PCDHGB4: variants seen among roughly 807,000 people sequenced by gnomAD.
PCDHGB4 encodes protocadherin gamma-B4.
In PCDHGB4, 38 loss-of-function variants were observed where a neutral mutation model predicts 60.5. The observed-to-expected ratio is 0.63, with a 90% confidence interval of 0.48 to 0.82. The LOEUF (loss-of-function observed/expected upper bound fraction) is 0.82, where lower values mean the gene tolerates loss of function less well. PCDHGB4 is among the 40% of genes least tolerant of loss of function. The probability of loss-of-function intolerance (pLI) is 0.00; values close to 1 mark genes in which losing one functional copy is unlikely to be tolerated. For synonymous variants in PCDHGB4, 456 were observed against 509.7 expected (o/e 0.89, Z 1.42); for missense variants, 1,109 against 1,209.6 (o/e 0.92, Z 1.23).
chr5:141,389,349 A>C lies in PCDHGB4; in HGVS notation c.1465A>C (p.Ile489Leu). 5.6e-6 allele frequency: 9 copies of C among 1,613,980 alleles called. No homozygotes were observed. The highest frequency in any genetic ancestry group is 7.6e-6 in the Non-Finnish European group (9 of 1,179,912). ...LGPNGQVSYC[I>L]MASDLEQREL... The stretch of plus-strand genomic sequence containing the variant: ...GCCCAACGGCCAAGTCTCTTACTGC[A>C]TCATGGCCAGTGACCTGGAGCAGCG... The change falls in exon 1 of 4, where the codon ATC becomes CTC. Residue 489 changes from isoleucine to leucine, a missense_variant. Physicochemically the swap from Ile to Leu is conservative, Grantham distance 5. This residue lies in a region of PCDHGB4 where 1,068 missense variants were observed against 1,089.9 expected (regional missense o/e 0.98). Coordinates refer to ENST00000519479, the MANE Select transcript of PCDHGB4 (RefSeq NM_003736.4).
At chr5:141,395,036 G>A in intron 1 of PCDHGB4, 2 of 1,614,110 alleles carry the variant, frequency 1.2e-6, no homozygotes, top group Non-Finnish European at 8.5e-7. Context: ...CACATTTTGT[G>A]GGTGTTGAGG....
chr5:141,449,943 C>G (rs1561937416), intron 1 of PCDHGB4, among the ~76,000 whole-genome samples: 1 of 151,186 alleles, frequency 6.6e-6, no homozygotes, highest in African/African-American at 2.4e-5. Flanking sequence ...GTATATTTTA[C>G]TATACCTCAT....
rs1266068276 is a variant in PCDHGB4 at position 141,418,847 on chromosome 5, C to T, written c.2397+28566C>T. 1.2e-6 allele frequency: 2 copies of T among 1,613,972 alleles called. No individual in the cohort carries two copies. The highest frequency in any genetic ancestry group is 1.3e-5 in the African/African-American group (1 of 75,054). On this transcript the variant is annotated intron_variant, in intron 1 of 3. Transcript: ENST00000519479. ...AAAAGACCGAGGATCTCTCTCAACACGGTGTAAAGTAATTGTAGAAGTTGT... is the reference window on the plus strand; with the variant it reads ...AAAAGACCGAGGATCTCTCTCAACATGGTGTAAAGTAATTGTAGAAGTTGT...
chr5:141,450,104 T>A (rs1041853602), intron 1 of PCDHGB4, among the ~76,000 whole-genome samples: 1 of 150,664 alleles, frequency 6.6e-6, no homozygotes, highest in African/African-American at 2.5e-5. Flanking sequence ...CCTCCCAGGT[T>A]CAAATGATTC....
rs751567991 is a variant in PCDHGB4 at position 141,398,180 on chromosome 5, T to C, written c.2397+7899T>C. ...CGGGCTGAGAGGCTGCCAGTGCTCT[T>C]TCTCTTCCTGCTGTCTTTGTTCTGC... On this transcript the variant is annotated intron_variant, in intron 1 of 3. Coordinates refer to ENST00000519479, the MANE Select transcript of PCDHGB4 (RefSeq NM_003736.4). 3 of 1,473,764 alleles carry C rather than the reference T, an allele frequency of 2.0e-6. No individual in the cohort carries two copies. The African/African-American group carries it at 4.3e-5, about 21-fold the overall frequency. The allele number at this position is 1,473,764 out of a possible 1,614,324, so 91.3% of individuals were successfully genotyped here. A position where few individuals can be genotyped will look rare whatever the true frequency, so the allele number is the denominator to read the frequency against.
At chr5:141,421,351 A>G in intron 1 of PCDHGB4, 2 of 1,613,988 alleles carry the variant, frequency 1.2e-6, no homozygotes, top group Non-Finnish European at 1.7e-6. Flanking sequence ...AGAGACCGAA[A>G]AGGGCTCCTT....
intron 1 of PCDHGB4, among the ~76,000 whole-genome samples, chr5:141,464,162 G>A (rs1030872607): frequency 6.6e-6 from 1 of 151,946 alleles, no homozygotes; most frequent in African/African-American, 2.4e-5. Context: ...CTACTTGGAA[G>A]GCTGAGGCAG....
In PCDHGB4 at chr5:141,389,982, C is replaced by T; in HGVS notation, c.2098C>T (p.Leu700Phe). 6.2e-7 allele frequency: 1 copy of T among 1,614,034 alleles called. No individual in the cohort carries two copies. Among genetic ancestry groups the T allele is most frequent in the Non-Finnish European group, 8.5e-7 (1 of 1,179,900 alleles). Residue 700 changes from leucine to phenylalanine, a missense_variant, in exon 1 of 4, where the codon CTC becomes TTC. Coordinates refer to ENST00000519479, the MANE Select transcript of PCDHGB4 (RefSeq NM_003736.4). Reference sequence around the variant, plus strand: ...GGTGGCCTTGGCCTTGATCTCAGTGCTCTTCCTCGTGGCCATGATTCTGGC... The same window carrying T: ...GGTGGCCTTGGCCTTGATCTCAGTGTTCTTCCTCGTGGCCATGATTCTGGC... The part of the protein sequence containing the change: ...LVVALALISV[L>F]FLVAMILAIA...
Position 141,487,256 on chromosome 5 carries a change from G to T in PCDHGB4, c.2398-7551G>T. On this transcript the variant is annotated intron_variant, in intron 1 of 3. Coordinates refer to ENST00000519479, the MANE Select transcript of PCDHGB4 (RefSeq NM_003736.4). This position sits in a 1 kb window ranked among gnomAD's most constrained non-coding sequence, Gnocchi z 5.0. Reference sequence around the variant, plus strand: ...ATCTCGTCTAACCCTCTACTTGGCTGTGTCCCTAGTGGCAATTTGCTTTGT... The same window carrying T: ...ATCTCGTCTAACCCTCTACTTGGCTTTGTCCCTAGTGGCAATTTGCTTTGT... The T allele has an allele frequency of 2.5e-6, 4 of 1,614,166 alleles. No homozygotes were observed. Among genetic ancestry groups the T allele is most frequent in the Non-Finnish European group, 2.5e-6 (3 of 1,180,032 alleles).
chr5:141,419,311 C>T (rs745852942), intron 1 of PCDHGB4: 4 of 1,613,876 alleles, frequency 2.5e-6, no homozygotes, highest in East Asian at 4.5e-5. Context: ...TCGGGCTCAA[C>T]GGCCGTGTCT....
intron 1 of PCDHGB4, chr5:141,407,994 C>T (rs1449634415): frequency 1.0e-5 from 9 of 858,436 alleles, no homozygotes; most frequent in African/African-American, 1.7e-5. Flanking sequence ...CAGCCTCTGG[C>T]CTGGGATTCC....
At chr5:141,462,071 C>T (rs1473972601) in intron 1 of PCDHGB4, among the ~76,000 whole-genome samples, 1 of 152,214 alleles carries the variant, frequency 6.6e-6, no homozygotes, top group African/African-American at 2.4e-5. Context: ...GATCTGCCCG[C>T]CTTGGCCTCC....
Position 141,388,949 on chromosome 5 carries a change from G to A in PCDHGB4, c.1065G>A (p.Met355Ile). The A allele has an allele frequency of 6.2e-7, 1 of 1,613,986 alleles. No homozygotes were observed. The highest frequency in any genetic ancestry group is 8.5e-7 in the Non-Finnish European group (1 of 1,179,876). The change falls in exon 1 of 4, where the codon ATG (methionine) becomes ATA (isoleucine). Residue 355 changes from methionine (M) to isoleucine (I), a missense_variant. Met to Ile is a conservative substitution (Grantham distance 10, BLOSUM62 1). This residue lies in a region of PCDHGB4 where 1,068 missense variants were observed against 1,089.9 expected (regional missense o/e 0.98). Coordinates refer to ENST00000519479, the MANE Select transcript of PCDHGB4 (RefSeq NM_003736.4). ...VIFQSLPNLI[M>I]EDAELGTHIA... ...TCCAGTCTCTACCCAACCTAATTAT[G>A]GAGGACGCCGAGCTGGGAACACATA...
At chr5:141,469,948 T>C (rs1258593339) in intron 1 of PCDHGB4, among the ~76,000 whole-genome samples, 2 of 152,110 alleles carry the variant, frequency 1.3e-5, no homozygotes, top group Admixed American at 1.3e-4. Flanking sequence ...CTGGCCAGCA[T>C]GGTGAAACCC....
At chr5:141,475,992 C>A in intron 1 of PCDHGB4, 1 of 1,158,844 alleles carries the variant, frequency 8.6e-7, no homozygotes, top group Non-Finnish European at 1.2e-6. Context: ...GCGAGCAAAT[C>A]AACGGCATCC....
Position 141,510,990 on chromosome 5 carries a change from C to T in PCDHGB4, c.2589C>T (p.Thr863=). ...GSSTLGGGAG[T]MGLSARYGPQ... ...CCACCCTGGGAGGGGGTGCCGGCAC[C>T]ATGGGATTGAGCGCCCGCTACGGAC... The change falls in exon 4 of 4, where the codon ACC becomes ACT. Residue 863 remains threonine, a synonymous_variant. Transcript: ENST00000519479. The T allele has an allele frequency of 2.5e-6, 4 of 1,614,166 alleles. No homozygotes were observed. Among genetic ancestry groups the T allele is most frequent in the Non-Finnish European group, 3.4e-6 (4 of 1,180,014 alleles).
chr5:141,400,058 ATGG>A (rs2093953327), intron 1 of PCDHGB4: 1 of 1,613,570 alleles, frequency 6.2e-7, no homozygotes, highest in Admixed American at 1.7e-5. Flanking sequence ...GCTGTGCGTG[ATGG>A]TGGACAGCCG....
At chr5:141,393,388 C>G (rs775991086) in intron 1 of PCDHGB4, 7 of 1,613,992 alleles carry the variant, frequency 4.3e-6, no homozygotes, top group Non-Finnish European at 5.9e-6. Context: ...GCCATAAACC[C>G]AGAGCTGGTG....
At chr5:141,437,032 C>T (rs2097859215) in intron 1 of PCDHGB4, among the ~76,000 whole-genome samples, 1 of 152,182 alleles carries the variant, frequency 6.6e-6, no homozygotes, top group Admixed American at 6.5e-5. Context: ...GAAAATGGAT[C>T]ACCGAAACCA....
Sources: gnomAD v4.1 joint callset for allele counts (sites outside exome capture counted in the v4.1 genomes callset) on GRCh38, gnomAD v4.1.1 for gene constraint, gnomAD v4.1.1 regional missense constraint, Gnocchi (gnomAD v3.1) non-coding constraint, MANE v1.5 for transcripts, NCBI Gene and HGNC (gene_info 2026-07-23, HGNC 2026-07-21) for gene names.